Variants in ABCB9 observed in about 807,000 individuals in gnomAD.
The protein encoded by ABCB9 is ATP binding cassette subfamily B member 9.
Under a neutral mutation model 62.0 loss-of-function variants are expected in ABCB9, and 36 were observed. The ratio of observed to expected loss-of-function variants is 0.58; its 90% CI spans 0.45 to 0.77. The LOEUF is 0.77. Among genes scored for constraint, ABCB9 ranks in the 30% least tolerant of loss-of-function variants. ABCB9 has a pLI of 0.00. For synonymous variants in ABCB9, 435 were observed against 461.4 expected (o/e 0.94, Z 0.73); for missense variants, 943 against 1,054.7 (o/e 0.89, Z 1.47).
chr12:122,948,513 G>A, intron 5 of ABCB9, 111 bp downstream of exon 5: 1 of 987,384 alleles, frequency 1.0e-6, no homozygotes, highest in Non-Finnish European at 1.4e-6. Context: ...TGCAAACACA[G>A]CCTCAAGACC....
rs530522529 is a variant in ABCB9, at chr12:122,941,764, T to C, written c.1381-769A>G. Among the ~76,000 whole-genome samples the C allele has an allele frequency of 1.4e-4, 21 of 151,578 alleles. 1 individual carries two copies. The South Asian group carries it at 3.6e-3, about 26-fold the overall frequency. ...TTTTGAGAGGAGGGTCTCACTCTGTTACCCAGGCTGGAGTGCAGTGGTGTG... is the reference window on the plus strand; with the variant it reads ...TTTTGAGAGGAGGGTCTCACTCTGTCACCCAGGCTGGAGTGCAGTGGTGTG... On this transcript the variant is annotated intron_variant, in intron 7 of 11. Coordinates refer to ENST00000280560, the MANE Select transcript of ABCB9 (RefSeq NM_019625.4).
chr12:122,937,620 T>C (rs980499950), intron 9 of ABCB9, among the ~76,000 whole-genome samples: 3 of 152,112 alleles, frequency 2.0e-5, no homozygotes, highest in Non-Finnish European at 4.4e-5. Flanking sequence ...TTCTAAAACT[T>C]TGGTGAGCAG....
At chr12:122,958,767 G>A (rs902654616) in intron 2 of ABCB9, among the ~76,000 whole-genome samples, 2 of 152,096 alleles carry the variant, frequency 1.3e-5, no homozygotes, top group Non-Finnish European at 2.9e-5. Context: ...ACTTGAGCCT[G>A]GGAGGTTGAA....
chr12:122,926,825 A>C (rs977429388), downstream of ABCB9, among the ~76,000 whole-genome samples: 1 of 152,174 alleles, frequency 6.6e-6, no homozygotes, highest in Non-Finnish European at 1.5e-5. Context: ...ACTTGAGCCC[A>C]GAAGGTTGAG....
At chr12:122,970,797 T>G (rs188104130), upstream of ABCB9, among the ~76,000 whole-genome samples, 10 of 152,322 alleles carry the variant, frequency 6.6e-5, no homozygotes, top group Admixed American at 5.2e-4. Context: ...ATGGATGCAC[T>G]GTGGTACACC....
intron 9 of ABCB9, 132 bp from the exon 10 acceptor site, chr12:122,935,563 G>T: frequency 9.7e-7 from 1 of 1,028,512 alleles, no homozygotes; most frequent in Non-Finnish European, 1.4e-6. Flanking sequence ...CCCAGTGACT[G>T]CACTGAGCTG....
At position 122,940,426 on chromosome 12, in the gene ABCB9, G is replaced by A. The variant is rs371618451; in HGVS notation, c.1570-142C>T. On this transcript the variant is annotated intron_variant, in intron 8 of 11. Coordinates refer to ENST00000280560, the MANE Select transcript of ABCB9 (RefSeq NM_019625.4). This position sits in a 1 kb window ranked among gnomAD's most constrained non-coding sequence, Gnocchi z 4.8. ...GCTTGGGCACTGCTGGCCCCTAAAC[G>A]TTCTTTCTAAGACACTAGGACTTGG... 81 of 987,892 alleles carry A rather than the reference G, an allele frequency of 8.2e-5. No homozygotes were observed. Among genetic ancestry groups the A allele is most frequent in the African/African-American group, 7.4e-4 (45 of 61,198 alleles). The allele number at this position is 987,892 out of a possible 1,614,324, so 61.2% of individuals were successfully genotyped here.
Position 122,947,607 on chromosome 12 carries a change from G to T in ABCB9, c.1053+1017C>A. 1 of 335,424 alleles carries T rather than the reference G, an allele frequency of 3.0e-6. No homozygotes were observed. Among genetic ancestry groups the T allele is most frequent in the East Asian group, 8.8e-5 (1 of 11,374 alleles). 20.8% of individuals were successfully genotyped at this position (335,424 alleles called of 1,614,324 possible). ...AGCCCTGCCTGTCTGAACCCAGCCT[G>T]TCTGTCCCTTAGGGCTCGGGGGCAC... On this transcript the variant is annotated intron_variant, in intron 5 of 11. Coordinates refer to ENST00000280560, the MANE Select transcript of ABCB9 (RefSeq NM_019625.4). The surrounding 1 kb of genome is among the most constrained non-coding windows in gnomAD (Gnocchi z 6.0).
chr12:122,945,750 C>T (rs1235731298), intron 6 of ABCB9, among the ~76,000 whole-genome samples: 5 of 151,898 alleles, frequency 3.3e-5, no homozygotes, highest in African/African-American at 7.3e-5. Context: ...TGGTGGCGGG[C>T]GCCTGTGGTC....
intron 1 of ABCB9, among the ~76,000 whole-genome samples, chr12:122,961,199 T>C (rs1374405562): frequency 2.0e-5 from 3 of 152,016 alleles, no homozygotes; most frequent in Non-Finnish European, 4.4e-5. Flanking sequence ...TATTTATTTA[T>C]TTATTTGAGA....
intron 1 of ABCB9, chr12:122,974,524 A>G (rs2037348844): frequency 6.6e-6 from 1 of 152,182 alleles, no homozygotes; most frequent in South Asian, 2.1e-4. Flanking sequence ...CCTAGCTCAA[A>G]GGTTTAATGC....
intron 2 of ABCB9, among the ~76,000 whole-genome samples, chr12:122,953,582 T>C (rs1467493765): frequency 2.6e-5 from 4 of 152,154 alleles, no homozygotes; most frequent in African/African-American, 9.7e-5. Context: ...GAGATGGGGT[T>C]TCACCATGTT....
At chr12:122,970,316 C>T (rs1324161037), upstream of ABCB9, among the ~76,000 whole-genome samples, 3 of 151,676 alleles carry the variant, frequency 2.0e-5, no homozygotes, top group African/African-American at 4.9e-5. Context: ...GGTGTGATCT[C>T]GGCTCACTGC....
In ABCB9 at chr12:122,955,715, G is replaced by T. The variant is rs529202178; in HGVS notation, c.601+3920C>A. On this transcript the variant is annotated intron_variant, in intron 2 of 11. Coordinates refer to ENST00000280560, the MANE Select transcript of ABCB9 (RefSeq NM_019625.4). ...TAGTTTTTTGGGTTTTTGTTTTTTTGTTTTTTTTTTTTTTGAGACGGAGTC... is the reference window on the plus strand; with the variant it reads ...TAGTTTTTTGGGTTTTTGTTTTTTTTTTTTTTTTTTTTTTGAGACGGAGTC... Among the ~76,000 whole-genome samples, 293 of 141,922 alleles carry T rather than the reference G, an allele frequency of 2.1e-3. 3 individuals are homozygous for T. The highest frequency in any genetic ancestry group is 9.4e-3 in the Admixed American group (133 of 14,154). The allele number at this position is 141,922 out of a possible 152,430, so 93.1% of individuals were successfully genotyped here. A position where few individuals can be genotyped will look rare whatever the true frequency, so the allele number is the denominator to read the frequency against.
chr12:122,945,554 G>A (rs751860651), intron 6 of ABCB9, among the ~76,000 whole-genome samples: 4 of 152,190 alleles, frequency 2.6e-5, no homozygotes, highest in African/African-American at 9.6e-5. Context: ...CCCACGTCAG[G>A]TGACTGGGAG....
In ABCB9 at chr12:122,959,863, T is replaced by G. The variant is rs764900267; in HGVS notation, c.373A>C (p.Ile125Leu). 6.2e-7 allele frequency: 1 copy of G among 1,613,252 alleles called. No homozygotes were observed. Among genetic ancestry groups the G allele is most frequent in the South Asian group, 1.1e-5 (1 of 91,084 alleles). The change falls in exon 2 of 12, where the codon ATT (isoleucine) becomes CTT (leucine). Residue 125 changes from isoleucine to leucine, a missense_variant. Transcript: ENST00000280560. The surrounding 1 kb of genome is among the most constrained non-coding windows in gnomAD (Gnocchi z 5.4). ...AGCAGGAAGGATGCGCCGAGTGAAATGTACGTCCACACGAACAGGGCCCAA... is the reference window on the plus strand; with the variant it reads ...AGCAGGAAGGATGCGCCGAGTGAAAGGTACGTCCACACGAACAGGGCCCAA... ...WFWALFVWTY[I>L]SLGASFLLWW...
downstream of ABCB9, among the ~76,000 whole-genome samples, chr12:122,920,362 G>GAAA (rs74263734): frequency 0.018 from 1,828 of 103,270 alleles, 44 homozygotes; most frequent in African/African-American, 0.058. Flanking sequence ...AACTGCAAAG[G>GAAA]AAAAAAAAAA....
intron 2 of ABCB9, chr12:122,953,221 T>G (rs1371743775): frequency 6.6e-6 from 1 of 152,022 alleles, no homozygotes; most frequent in Admixed American, 6.6e-5. Flanking sequence ...ATACATTTTT[T>G]TTTTTTTTTG....
intron 11 of ABCB9, among the ~76,000 whole-genome samples, chr12:122,931,111 G>A (rs2035132692): frequency 6.6e-6 from 1 of 151,468 alleles, no homozygotes; most frequent in Non-Finnish European, 1.5e-5. Context: ...TGCAACCTCT[G>A]CTTCCCAGGT....
Sources: allele counts gnomAD v4.1 joint callset (sites outside exome capture counted in the v4.1 genomes callset), GRCh38; gene constraint gnomAD v4.1.1; non-coding constraint Gnocchi (gnomAD v3.1); transcripts MANE v1.5; gene names NCBI Gene and HGNC (gene_info 2026-07-23, HGNC 2026-07-21).